Variants in SUPT3H observed in about 807,000 individuals in gnomAD.
SUPT3H encodes the protein transcription initiation protein SPT3 homolog.
Under a neutral mutation model 44.3 loss-of-function variants are expected in SUPT3H, and 44 were observed. The ratio of observed to expected loss-of-function variants is 0.99; its 90% CI spans 0.78 to 1.28. The LOEUF is 1.28. Ranked by LOEUF, SUPT3H falls within the 50% of genes most tolerant of loss-of-function variation. SUPT3H has a pLI of 0.00. For missense variants in SUPT3H, 380 were observed against 387.1 expected (o/e 0.98, Z 0.15); for synonymous variants, 124 against 125.6 (o/e 0.99, Z 0.09).
intron 11 of SUPT3H, among the ~76,000 whole-genome samples, chr6:44,819,068 C>T (rs908226310): frequency 2.0e-5 from 3 of 152,260 alleles, no homozygotes; most frequent in Admixed American, 2.0e-4. Context: ...GGAAACAATG[C>T]AAATGTCCAC....
chr6:45,141,640 C>G (rs1422740739), intron 2 of SUPT3H, among the ~76,000 whole-genome samples: 1 of 86,410 alleles, frequency 1.2e-5, no homozygotes, highest in Non-Finnish European at 2.3e-5. Flanking sequence ...TTAAATTAAC[C>G]CAAAAGACAA....
chr6:45,201,264 T>C (rs947434908), intron 2 of SUPT3H, among the ~76,000 whole-genome samples: 2 of 151,670 alleles, frequency 1.3e-5, no homozygotes, highest in African/African-American at 4.8e-5. Context: ...AACATATGAA[T>C]TGGTAAATGC....
chr6:45,183,401 C>T (rs1053304378), intron 2 of SUPT3H, among the ~76,000 whole-genome samples: 2 of 152,018 alleles, frequency 1.3e-5, no homozygotes, highest in African/African-American at 2.4e-5. Flanking sequence ...AAGTAATGTA[C>T]ATAAGTAACT....
intron 10 of SUPT3H, among the ~76,000 whole-genome samples, chr6:44,890,440 T>G (rs1763090081): frequency 6.6e-6 from 1 of 151,990 alleles, no homozygotes; most frequent in Non-Finnish European, 1.5e-5. Context: ...TTAAAAATGA[T>G]GAGTTCATGT....
intron 2 of SUPT3H, among the ~76,000 whole-genome samples, chr6:45,265,053 T>C (rs1775032550): frequency 6.6e-6 from 1 of 152,152 alleles, no homozygotes; most frequent in Admixed American, 6.6e-5. Flanking sequence ...ACAATGAATT[T>C]TCCTTGATAT....
chr6:44,819,720 G>A (rs910299250), intron 11 of SUPT3H, among the ~76,000 whole-genome samples: 1 of 151,800 alleles, frequency 6.6e-6, no homozygotes, highest in Non-Finnish European at 1.5e-5. Context: ...TTGAGCCCAG[G>A]AGCTGTGATC....
chr6:44,846,352 C>T (rs1023104636), intron 10 of SUPT3H, among the ~76,000 whole-genome samples: 1 of 152,166 alleles, frequency 6.6e-6, no homozygotes, highest in African/African-American at 2.4e-5. Flanking sequence ...GTTACACTTA[C>T]GCATATTTCA....
intron 3 of SUPT3H, among the ~76,000 whole-genome samples, chr6:45,048,163 C>T (rs1374412169): frequency 3.3e-5 from 5 of 150,086 alleles, no homozygotes; most frequent in Admixed American, 1.3e-4. Context: ...ATATTAATCC[C>T]TTATCAGATA....
chr6:45,157,798 C>T (rs1033498183), intron 2 of SUPT3H, among the ~76,000 whole-genome samples: 3 of 151,466 alleles, frequency 2.0e-5, no homozygotes, highest in Admixed American at 6.6e-5. Context: ...CCGCCTGCCT[C>T]GGCCTCCCAA....
At chr6:45,323,003 C>T in intron 2 of SUPT3H, 1 of 1,326,520 alleles carries the variant, frequency 7.5e-7, no homozygotes, top group Middle Eastern at 1.8e-4. Flanking sequence ...TTAAGCAAAT[C>T]ATCCTTAATA....
At chr6:45,331,126 T>C (rs11968157) in intron 2 of SUPT3H, among the ~76,000 whole-genome samples, 2,063 of 132,892 alleles carry the variant, frequency 0.016, 14 homozygotes, top group African/African-American at 0.019. Flanking sequence ...TGTGTGTGTG[T>C]GCGCGCGCGC....
chr6:44,967,589 T>G (rs949392591), intron 6 of SUPT3H, among the ~76,000 whole-genome samples: 2 of 152,256 alleles, frequency 1.3e-5, no homozygotes, highest in Non-Finnish European at 2.9e-5. Flanking sequence ...AAGGCTGGAT[T>G]ACTTATGCAG....
At chr6:44,899,089 C>G (rs571517536) in intron 10 of SUPT3H, 1 of 152,134 alleles carries the variant, frequency 6.6e-6, no homozygotes, top group Non-Finnish European at 1.5e-5. Context: ...CCAGCTTTTA[C>G]CAGGTTATGA....
At chr6:44,847,172 T>C (rs888642738) in intron 10 of SUPT3H, among the ~76,000 whole-genome samples, 1 of 152,220 alleles carries the variant, frequency 6.6e-6, no homozygotes, top group African/African-American at 2.4e-5. Context: ...TTTTCTTGTA[T>C]TTTAGTTTGG....
At chr6:45,211,454 A>C (rs1032339417) in intron 2 of SUPT3H, among the ~76,000 whole-genome samples, 1 of 152,210 alleles carries the variant, frequency 6.6e-6, no homozygotes, top group African/African-American at 2.4e-5. Context: ...ATCAATAAAA[A>C]TGATTATTTT....
At chr6:45,016,957 C>G (rs1583071595) in intron 4 of SUPT3H, among the ~76,000 whole-genome samples, 2 of 150,300 alleles carry the variant, frequency 1.3e-5, no homozygotes, top group Admixed American at 1.3e-4. Flanking sequence ...TACAGTCCCA[C>G]CAACAGTGTA....
intron 2 of SUPT3H, among the ~76,000 whole-genome samples, chr6:45,345,724 ATTC>A (rs1274090137): frequency 5.9e-5 from 9 of 152,304 alleles, no homozygotes; most frequent in African/African-American, 2.2e-4. Context: ...TGCATTATCA[ATTC>A]TTCTTAATGA....
intron 4 of SUPT3H, 48 bp from the exon 5 acceptor site, chr6:45,014,939 C>T (rs1190625614): frequency 1.7e-6 from 2 of 1,186,426 alleles, no homozygotes; most frequent in East Asian, 2.8e-5. Flanking sequence ...TACATATATT[C>T]ACTTTACTGA....
At chr6:45,187,983 T>G (rs536213296) in intron 2 of SUPT3H, among the ~76,000 whole-genome samples, 2 of 152,246 alleles carry the variant, frequency 1.3e-5, no homozygotes, top group African/African-American at 4.8e-5. Flanking sequence ...CATACCATTC[T>G]GGGTAGCATG....
Sources: allele counts gnomAD v4.1 joint callset (sites outside exome capture counted in the v4.1 genomes callset), GRCh38; gene constraint gnomAD v4.1.1; transcripts MANE v1.5; gene names NCBI Gene and HGNC (gene_info 2026-07-23, HGNC 2026-07-21).